The following CECR2 variants were observed in gnomAD, a reference collection of about 807,000 sequenced individuals.
CECR2 encodes chromatin remodeling regulator CECR2.
Under a neutral mutation model 154.5 loss-of-function variants are expected in CECR2, and 30 were observed. The observed-to-expected ratio is 0.19, with a 90% CI of 0.15 to 0.26. The LOEUF is 0.26. Ranked by LOEUF, CECR2 falls within the 10% of genes least tolerant of loss-of-function variation. CECR2 has a pLI of 1.00. For missense variants in CECR2, 1,743 were observed against 1,829.3 expected (o/e 0.95, Z 0.86); for synonymous variants, 725 against 683.7 (o/e 1.06, Z -0.94).
intron 1 of CECR2, among the ~76,000 whole-genome samples, chr22:17,430,861 CCTA>C (rs1342325100): frequency 1.3e-5 from 2 of 152,152 alleles, no homozygotes; most frequent in East Asian, 3.9e-4. Flanking sequence ...CAAATCATTG[CCTA>C]CTATTTATAT....
chr22:17,397,480 C>T (rs2053828983), intron 1 of CECR2, among the ~76,000 whole-genome samples: 1 of 151,920 alleles, frequency 6.6e-6, no homozygotes, highest in South Asian at 2.1e-4. Context: ...TAAATCCAAA[C>T]CCTACGTATA....
At chr22:17,548,004 C>G (rs1312405346) in intron 16 of CECR2, 144 bp from the exon 17 acceptor site, 2 of 747,170 alleles carry the variant, frequency 2.7e-6, no homozygotes, top group African/African-American at 3.5e-5. Context: ...ATGTCCTGCC[C>G]TCTTTCAGGG....
intron 1 of CECR2, among the ~76,000 whole-genome samples, chr22:17,433,424 CT>C (rs1039399644): frequency 6.6e-6 from 1 of 152,150 alleles, no homozygotes; most frequent in Non-Finnish European, 1.5e-5. Flanking sequence ...ACATTCTCCC[CT>C]GTCATCACAT....
intron 1 of CECR2, among the ~76,000 whole-genome samples, chr22:17,455,802 G>A (rs1390007099): frequency 3.3e-5 from 5 of 152,138 alleles, no homozygotes; most frequent in African/African-American, 4.8e-5. Context: ...GTAGAGACGG[G>A]GTTTCACCAT....
chr22:17,525,588 A>G (rs1359091077), intron 9 of CECR2, among the ~76,000 whole-genome samples: 3 of 152,232 alleles, frequency 2.0e-5, no homozygotes, highest in Non-Finnish European at 1.5e-5. Context: ...CCTGGGCGAC[A>G]GAGCAAGACT....
At position 17,548,286 on chromosome 22, in the gene CECR2, CA is replaced by C. The variant is rs2056646190; in HGVS notation, c.3000del (p.Val1001TrpfsTer19). 1 of 1,608,274 alleles carries C rather than the reference CA, an allele frequency of 6.2e-7. No homozygotes were observed. Among genetic ancestry groups the C allele is most frequent in the Non-Finnish European group, 8.5e-7 (1 of 1,177,298 alleles). ...TRQSSPQERE[T>X]VGPELKSSSS... ...CAGAGCTCACCACAAGAAAGGGAAA[CA>C]GTGGGCCCGGAGCTCAAAAGCAGCT... On this transcript the variant is annotated frameshift_variant, in exon 17 of 19. Coordinates refer to ENST00000262608, the MANE Select transcript of CECR2 (RefSeq NM_001290047.2). LOFTEE classifies it high-confidence loss of function.
intron 1 of CECR2, among the ~76,000 whole-genome samples, chr22:17,458,017 A>G (rs1421897675): frequency 6.6e-6 from 1 of 152,200 alleles, no homozygotes. Flanking sequence ...GTGAGAGGAG[A>G]GTGGACATAG....
intron 2 of CECR2, among the ~76,000 whole-genome samples, chr22:17,483,752 T>C (rs73379491): frequency 0.032 from 4,935 of 152,306 alleles, 294 homozygotes; most frequent in African/African-American, 0.11. Flanking sequence ...AAACATAGTA[T>C]AGCCTAAGTT....
chr22:17,451,054 G>C (rs1161513812), intron 1 of CECR2, among the ~76,000 whole-genome samples: 1 of 152,244 alleles, frequency 6.6e-6, no homozygotes, highest in African/African-American at 2.4e-5. Flanking sequence ...CCGTGTCAAA[G>C]AGGACAGACT....
Position 17,454,033 on chromosome 22 carries a change from T to C in CECR2, c.127-23555T>C, listed in dbSNP as rs546388696. Among the ~76,000 whole-genome samples the C allele has an allele frequency of 3.3e-5, 5 of 152,338 alleles. No homozygotes were observed. In the South Asian group the frequency reaches 6.2e-4, roughly 19 times the overall value. ...TGCTGGCTTTGCCACTTACCAGCACTGTACACTCAGAAGTGCACCTCTGTC... is the reference window on the plus strand; with the variant it reads ...TGCTGGCTTTGCCACTTACCAGCACCGTACACTCAGAAGTGCACCTCTGTC... On this transcript the variant is annotated intron_variant, in intron 1 of 18. Transcript: ENST00000262608.
intron 1 of CECR2, among the ~76,000 whole-genome samples, chr22:17,377,030 A>T (rs942009460): frequency 1.3e-5 from 2 of 152,184 alleles, no homozygotes; most frequent in Non-Finnish European, 1.5e-5. Flanking sequence ...TGTGGGTTTC[A>T]GGTGCCCCAT....
intron 3 of CECR2, 129 bp from the exon 4 acceptor site, chr22:17,499,281 G>A (rs974883390): frequency 5.9e-5 from 68 of 1,148,634 alleles, no homozygotes; most frequent in Non-Finnish European, 7.4e-5. Context: ...GAGCCACCAC[G>A]CCCAGCGATA....
intron 1 of CECR2, among the ~76,000 whole-genome samples, chr22:17,450,407 G>C (rs1350624787): frequency 6.6e-6 from 1 of 151,966 alleles, no homozygotes; most frequent in Admixed American, 6.6e-5. Flanking sequence ...AGTAGCTGGG[G>C]CTATAGGTGC....
At chr22:17,435,837 T>G (rs1433378065) in intron 1 of CECR2, among the ~76,000 whole-genome samples, 4 of 152,214 alleles carry the variant, frequency 2.6e-5, no homozygotes, top group African/African-American at 9.6e-5. Context: ...CACACTGTAC[T>G]AAATTAGATT....
At chr22:17,524,079 A>T in intron 8 of CECR2, 39 bp from the exon 9 acceptor site, 2 of 1,476,138 alleles carry the variant, frequency 1.4e-6, no homozygotes, top group Non-Finnish European at 9.3e-7. Flanking sequence ...ATCTTGCATG[A>T]TTGTGTACTG....
At chr22:17,392,491 T>C (rs569688493) in intron 1 of CECR2, among the ~76,000 whole-genome samples, 3 of 151,250 alleles carry the variant, frequency 2.0e-5, no homozygotes, top group East Asian at 3.9e-4. Context: ...GTCTCAAAAA[T>C]AGAATAATAA....
At chr22:17,455,466 C>T (rs1475450730) in intron 1 of CECR2, among the ~76,000 whole-genome samples, 2 of 152,142 alleles carry the variant, frequency 1.3e-5, no homozygotes, top group East Asian at 1.9e-4. Flanking sequence ...ACATATTGAT[C>T]GTTCATCTTT....
chr22:17,504,082 T>A (rs1400894255), intron 6 of CECR2, among the ~76,000 whole-genome samples: 1 of 66,704 alleles, frequency 1.5e-5, no homozygotes. Flanking sequence ...AAATAAAATT[T>A]AAAAGTAGGC....
intron 2 of CECR2, among the ~76,000 whole-genome samples, chr22:17,481,213 G>A (rs1337724314): frequency 6.8e-6 from 1 of 146,640 alleles, no homozygotes; most frequent in Non-Finnish European, 1.5e-5. Flanking sequence ...CGTGGTGGTG[G>A]GCGCCTGTAG....
Sources: gnomAD v4.1 joint callset for allele counts (sites outside exome capture counted in the v4.1 genomes callset) on GRCh38, gnomAD v4.1.1 for gene constraint, MANE v1.5 for transcripts, NCBI Gene and HGNC (gene_info 2026-07-23, HGNC 2026-07-21) for gene names.